GABBR2: variants seen among roughly 807,000 people sequenced by gnomAD.
The protein encoded by GABBR2 is gamma-aminobutyric acid type B receptor subunit 2.
Under a neutral mutation model 105.6 loss-of-function variants are expected in GABBR2, and 23 were observed. The observed-to-expected ratio is 0.22, with a 90% confidence interval of 0.16 to 0.31. The LOEUF (loss-of-function observed/expected upper bound fraction) is 0.31, where lower values mean the gene tolerates loss of function less well. GABBR2 is among the 10% of genes least tolerant of loss of function. The pLI is 1.00. For synonymous variants in GABBR2, 478 were observed against 499.7 expected, an observed-to-expected ratio of 0.96 and a Z score of 0.58; for missense variants, 734 against 1,245.5, an observed-to-expected ratio of 0.59 and a Z score of 6.18.
chr9:98,322,146 GGC>G (rs1830833415), intron 13 of GABBR2, among the ~76,000 whole-genome samples: 1 of 151,934 alleles, frequency 6.6e-6, no homozygotes, highest in Non-Finnish European at 1.5e-5. Context: ...AGGCCCTCTG[GGC>G]TGGCCCAGAG....
chr9:98,368,897 C>T (rs1045939595), intron 12 of GABBR2, among the ~76,000 whole-genome samples: 11 of 152,202 alleles, frequency 7.2e-5, no homozygotes, highest in Middle Eastern at 3.2e-3. Flanking sequence ...CAAGGATTCC[C>T]GTTCATTAGG....
intron 1 of GABBR2, among the ~76,000 whole-genome samples, chr9:98,581,647 T>C (rs1446913830): frequency 6.6e-6 from 1 of 151,958 alleles, no homozygotes; most frequent in East Asian, 1.9e-4. Context: ...AATAACAGAG[T>C]AGTTCATGTT....
chr9:98,298,870 G>A (rs1258938002), intron 17 of GABBR2, among the ~76,000 whole-genome samples: 2 of 152,156 alleles, frequency 1.3e-5, no homozygotes, highest in Non-Finnish European at 2.9e-5. Context: ...TTGAAACTGT[G>A]AAATATCGTT....
chr9:98,545,214 C>T (rs1299160174), intron 2 of GABBR2, among the ~76,000 whole-genome samples: 1 of 152,152 alleles, frequency 6.6e-6, no homozygotes, highest in Non-Finnish European at 1.5e-5. Context: ...GGTTACTGTT[C>T]AGTGAATAAA....
At position 98,437,047 on chromosome 9, in the gene GABBR2, G is replaced by C. The variant is rs147234376; in HGVS notation, c.1236+16934C>G. ...CTTTCACACTGAAAGGGTGAAGTGTGAGTGAGGAATAAAGGCATCAGATAA... is the reference window on the plus strand; with the variant it reads ...CTTTCACACTGAAAGGGTGAAGTGTCAGTGAGGAATAAAGGCATCAGATAA... On this transcript the variant is annotated intron_variant, in intron 7 of 18. Coordinates refer to ENST00000259455, the MANE Select transcript of GABBR2 (RefSeq NM_005458.8). Among the ~76,000 whole-genome samples, 17 of 152,220 alleles carry C rather than the reference G, an allele frequency of 1.1e-4. No individual in the cohort carries two copies. The East Asian group carries it at 3.3e-3, about 29-fold the overall frequency.
intron 1 of GABBR2, chr9:98,608,179 C>T (rs1829457514): frequency 1.6e-5 from 17 of 1,076,628 alleles, no homozygotes; most frequent in South Asian, 4.2e-5. Flanking sequence ...AATATGCCAG[C>T]TTGGACATCA....
At chr9:98,313,265 A>G (rs1830662865) in intron 13 of GABBR2, among the ~76,000 whole-genome samples, 1 of 152,154 alleles carries the variant, frequency 6.6e-6, no homozygotes, top group African/African-American at 2.4e-5. Context: ...CCTTGCAATC[A>G]ACCATTTCTC....
rs551469921 is a variant in GABBR2, at chr9:98,509,619, G to A, written c.631-13105C>T. On this transcript the variant is annotated intron_variant, in intron 3 of 18. Coordinates refer to ENST00000259455, the MANE Select transcript of GABBR2 (RefSeq NM_005458.8). ...AACCAAGGCACGAGAGCTACGTGAC[G>A]AATGCACAAACCTCAGTAGCCAATG... 4.4e-3 allele frequency among the ~76,000 whole-genome samples: 671 copies of A among 152,318 alleles called. 4 individuals carry two copies. Among genetic ancestry groups the A allele is most frequent in the African/African-American group, 0.015 (634 of 41,568 alleles).
intron 9 of GABBR2, among the ~76,000 whole-genome samples, chr9:98,392,227 T>TG (rs535923783): frequency 2.8e-4 from 42 of 152,334 alleles, no homozygotes; most frequent in African/African-American, 1.0e-3. Flanking sequence ...GCCACTGTCC[T>TG]GGCTACTGGT....
At chr9:98,608,441 C>T (rs1005551590) in intron 1 of GABBR2, among the ~76,000 whole-genome samples, 30 of 151,958 alleles carry the variant, frequency 2.0e-4, no homozygotes, top group Middle Eastern at 3.2e-3. Context: ...CATGTTCTGA[C>T]GGTTTGATTG....
chr9:98,475,729 G>A (rs566378740), intron 5 of GABBR2, among the ~76,000 whole-genome samples: 4 of 152,290 alleles, frequency 2.6e-5, no homozygotes, highest in African/African-American at 4.8e-5. Context: ...AATCTTATAA[G>A]GTTGTGGCAA....
chr9:98,692,013 T>C (rs1830688155), intron 1 of GABBR2, among the ~76,000 whole-genome samples: 1 of 152,230 alleles, frequency 6.6e-6, no homozygotes, highest in Non-Finnish European at 1.5e-5. Context: ...CAGTCACTGA[T>C]AACTATCAGT....
At chr9:98,678,930 A>G (rs1830507402) in intron 1 of GABBR2, among the ~76,000 whole-genome samples, 1 of 152,230 alleles carries the variant, frequency 6.6e-6, no homozygotes, top group Non-Finnish European at 1.5e-5. Context: ...GCCTGCAGAA[A>G]TAATTCTGAA....
chr9:98,527,121 G>A lies in GABBR2; in HGVS notation c.630+14752C>T, dbSNP rs201410398. On this transcript the variant is annotated intron_variant, in intron 3 of 18. Transcript: ENST00000259455. The stretch of plus-strand genomic sequence containing the variant: ...TAATATATATATTATATATATATAT[G>A]TATATATAAAATAGTGGGTATTCAC... Among the ~76,000 whole-genome samples, 43 of 147,102 alleles carry A rather than the reference G, an allele frequency of 2.9e-4. No individual in the cohort carries two copies. In the East Asian group the frequency reaches 8.1e-3, roughly 28 times the overall value.
chr9:98,523,585 C>T (rs2779578), intron 3 of GABBR2, among the ~76,000 whole-genome samples: 7,050 of 152,128 alleles, frequency 0.046, 245 homozygotes, highest in South Asian at 0.12. Context: ...TGTGGATATC[C>T]GAAAAGAAAA....
chr9:98,302,280 A>C (rs1270994229), intron 16 of GABBR2, among the ~76,000 whole-genome samples: 1 of 152,194 alleles, frequency 6.6e-6, no homozygotes, highest in Non-Finnish European at 1.5e-5. Context: ...CTTAAAAGGC[A>C]ATCCCTCATG....
chr9:98,620,629 T>A (rs1420411569), intron 1 of GABBR2, among the ~76,000 whole-genome samples: 1 of 152,054 alleles, frequency 6.6e-6, no homozygotes, highest in Non-Finnish European at 1.5e-5. Context: ...GCAGAAGAGG[T>A]AAGAAGGAAC....
At position 98,454,763 on chromosome 9, in the gene GABBR2, C is replaced by T. The variant is rs1826295681; in HGVS notation, c.1000-546G>A. Among the ~76,000 whole-genome samples the T allele has an allele frequency of 6.6e-6, 1 of 152,072 alleles. No individual in the cohort carries two copies. The highest frequency in any genetic ancestry group is 2.1e-4 in the South Asian group (1 of 4,818). On this transcript the variant is annotated intron_variant, in intron 6 of 18. Transcript: ENST00000259455. The surrounding 1 kb of genome is among the most constrained non-coding windows in gnomAD (Gnocchi z 4.6). ...TGACAGTGTGCTGCTCAGCCCACCC[C>T]TCCCCTTCCCTTCCCACCCCTCTCC...
Position 98,480,961 on chromosome 9 carries a change from G to T in GABBR2, c.769C>A (p.Gln257Lys). 6.2e-7 allele frequency: 1 copy of T among 1,605,514 alleles called. No individual in the cohort carries two copies. Among genetic ancestry groups the T allele is most frequent in the Non-Finnish European group, 8.5e-7 (1 of 1,172,122 alleles). The change falls in exon 5 of 19, where the codon CAG (glutamine) becomes AAG (lysine). Residue 257 changes from glutamine to lysine, a missense_variant. Transcript: ENST00000259455. ...DVRIILGQFD[Q>K]NMAAKVFCCA... ...CAGAACACTTTTGCTGCCATATTCT[G>T]GTCAAACTGGCCAAGGATGATCCGC... is the stretch of plus-strand genomic sequence containing the variant.
Sources: allele counts gnomAD v4.1 joint callset (sites outside exome capture counted in the v4.1 genomes callset), GRCh38; gene constraint gnomAD v4.1.1; non-coding constraint Gnocchi (gnomAD v3.1); transcripts MANE v1.5; gene names NCBI Gene and HGNC (gene_info 2026-07-23, HGNC 2026-07-21).